The following RCOR1 variants were observed in gnomAD, a reference collection of about 807,000 sequenced individuals.
RCOR1 encodes REST corepressor 1.
RCOR1 carries 12 observed loss-of-function variants against 64.0 expected under a neutral mutation model. The observed-to-expected ratio is 0.19, with a 90% confidence interval of 0.12 to 0.30. RCOR1 has a LOEUF of 0.30. Among genes scored for constraint, RCOR1 ranks in the 10% least tolerant of loss-of-function variants. The probability of loss-of-function intolerance (pLI) is 1.00; values close to 1 mark genes in which losing one functional copy is unlikely to be tolerated. For missense variants in RCOR1, 502 were observed against 621.2 expected, an observed-to-expected ratio of 0.81 and a Z score of 2.04; for synonymous variants, 279 against 227.2, an observed-to-expected ratio of 1.23 and a Z score of -2.05.
chr14:102,688,820 T>C (rs996500552), intron 3 of RCOR1, among the ~76,000 whole-genome samples: 6 of 152,190 alleles, frequency 3.9e-5, no homozygotes, highest in Non-Finnish European at 8.8e-5. Context: ...CAGTCCCCAC[T>C]GTGATATTGT....
chr14:102,629,039 G>A lies in RCOR1; in HGVS notation c.361+35714G>A, dbSNP rs753873684. Among the ~76,000 whole-genome samples the A allele has an allele frequency of 2.6e-4, 39 of 152,152 alleles. No individual in the cohort carries two copies. The Middle Eastern group carries it at 0.017, about 66-fold the overall frequency. The stretch of plus-strand genomic sequence containing the variant: ...TCCCCAAGTAGCTGGGACTACAGGC[G>A]TGCGCCACCACATGCCTGGCTCATT... On this transcript the variant is annotated intron_variant, in intron 2 of 11. Transcript: ENST00000262241.
At chr14:102,717,747 T>G (rs183562459) in intron 8 of RCOR1, among the ~76,000 whole-genome samples, 12 of 152,222 alleles carry the variant, frequency 7.9e-5, no homozygotes, top group African/African-American at 2.6e-4. Context: ...GAGGTGTTAT[T>G]GACTCCATAG....
chr14:102,683,657 G>C (rs1895349767), intron 3 of RCOR1, among the ~76,000 whole-genome samples: 1 of 152,240 alleles, frequency 6.6e-6, no homozygotes, highest in Non-Finnish European at 1.5e-5. Flanking sequence ...TCCTCTGGGG[G>C]CGCGCTGATG....
rs150358933 is a variant in RCOR1 at position 102,702,920 on chromosome 14, A to G, written c.498+1590A>G. ...ACCTTAGTGGCAGATCTACTAGGCA[A>G]AGATTTTAAAACAACTATCTTAAAG... On this transcript the variant is annotated intron_variant, in intron 4 of 11. Coordinates refer to ENST00000262241, the MANE Select transcript of RCOR1 (RefSeq NM_015156.4). Among the ~76,000 whole-genome samples the G allele has an allele frequency of 3.4e-3, 520 of 152,358 alleles. 3 individuals carry two copies. The highest frequency in any genetic ancestry group is 8.1e-3 in the Admixed American group (124 of 15,296).
chr14:102,628,452 C>T (rs192377816), intron 2 of RCOR1, among the ~76,000 whole-genome samples: 75 of 152,134 alleles, frequency 4.9e-4, no homozygotes, highest in African/African-American at 1.6e-3. Context: ...CCCGCTCCCC[C>T]GCTTTTCTCT....
intron 2 of RCOR1, among the ~76,000 whole-genome samples, chr14:102,666,949 A>G (rs912171957): frequency 6.6e-6 from 1 of 152,106 alleles, no homozygotes; most frequent in Non-Finnish European, 1.5e-5. Flanking sequence ...TTTTTTGGAA[A>G]GAGGTCACTA....
At chr14:102,612,676 C>T (rs1208975749) in intron 2 of RCOR1, among the ~76,000 whole-genome samples, 1 of 151,820 alleles carries the variant, frequency 6.6e-6, no homozygotes, top group Non-Finnish European at 1.5e-5. Flanking sequence ...TCCATCTGAT[C>T]TCATTTGCTC....
intron 2 of RCOR1, among the ~76,000 whole-genome samples, chr14:102,668,955 A>G (rs1173901607): frequency 3.3e-5 from 5 of 152,168 alleles, no homozygotes; most frequent in Non-Finnish European, 7.3e-5. Flanking sequence ...TCATGGACCT[A>G]TTTGTTCCAA....
intron 2 of RCOR1, among the ~76,000 whole-genome samples, chr14:102,606,008 C>T (rs1217666760): frequency 2.0e-5 from 3 of 152,148 alleles, no homozygotes; most frequent in East Asian, 3.8e-4. Flanking sequence ...TCACTGCAAC[C>T]TCTGCTTCCC....
At chr14:102,664,067 T>A (rs1894872766) in intron 2 of RCOR1, among the ~76,000 whole-genome samples, 2 of 152,174 alleles carry the variant, frequency 1.3e-5, no homozygotes, top group Non-Finnish European at 1.5e-5. Flanking sequence ...GATTAGGCAT[T>A]AGCTGAACTC....
intron 3 of RCOR1, among the ~76,000 whole-genome samples, chr14:102,696,067 A>C (rs1895641849): frequency 6.6e-6 from 1 of 152,072 alleles, no homozygotes; most frequent in Middle Eastern, 3.2e-3. Flanking sequence ...TAGATGCCGA[A>C]CCTTTAGGAA....
intron 6 of RCOR1, among the ~76,000 whole-genome samples, chr14:102,710,387 T>G (rs572957416): frequency 1.3e-5 from 2 of 152,368 alleles, no homozygotes; most frequent in Non-Finnish European, 2.9e-5. Context: ...TATACCAATG[T>G]AAGTTTTCTT....
At chr14:102,649,979 C>T (rs942628830) in intron 2 of RCOR1, among the ~76,000 whole-genome samples, 8 of 151,836 alleles carry the variant, frequency 5.3e-5, no homozygotes, top group African/African-American at 1.9e-4. Flanking sequence ...ATGGGCGGAT[C>T]ACGAGGTCAG....
intron 4 of RCOR1, 121 bp from the exon 5 acceptor site, chr14:102,707,230 G>A (rs1200967716): frequency 4.1e-6 from 3 of 738,048 alleles, no homozygotes; most frequent in Non-Finnish European, 6.5e-6. Flanking sequence ...CTGCCACTTA[G>A]CGCTGTAGAT....
intron 2 of RCOR1, among the ~76,000 whole-genome samples, chr14:102,673,568 C>T (rs1380678953): frequency 6.6e-6 from 1 of 151,892 alleles, no homozygotes; most frequent in Admixed American, 6.6e-5. Context: ...ATCTCCTGAC[C>T]TTGTGATCCG....
In RCOR1 at chr14:102,726,517, G is replaced by A. The variant is rs765111166; in HGVS notation, c.*11G>A. The A allele has an allele frequency of 3.7e-6, 6 of 1,604,828 alleles. No individual in the cohort carries two copies. The highest frequency in any genetic ancestry group is 4.2e-6 in the Non-Finnish European group (5 of 1,177,376). Reference sequence around the variant, plus strand: ...GCATCTGCCTCCTGAGAAACTGGTGGCTTTGAACACTTGGTGTGGACTACT... The same window carrying A: ...GCATCTGCCTCCTGAGAAACTGGTGACTTTGAACACTTGGTGTGGACTACT... On this transcript the variant is annotated 3_prime_UTR_variant, in exon 12 of 12. Coordinates refer to ENST00000262241, the MANE Select transcript of RCOR1 (RefSeq NM_015156.4).
At chr14:102,726,063 C>T (rs1307094046) in intron 11 of RCOR1, among the ~76,000 whole-genome samples, 3 of 151,864 alleles carry the variant, frequency 2.0e-5, no homozygotes, top group Non-Finnish European at 4.4e-5. Context: ...GCGTGGGGGC[C>T]CACACATGTA....
chr14:102,610,219 A>G lies in RCOR1; in HGVS notation c.361+16894A>G, dbSNP rs537216824. 9.2e-5 allele frequency among the ~76,000 whole-genome samples: 14 copies of G among 152,158 alleles called. No homozygotes were observed. In the South Asian group the frequency reaches 2.9e-3, roughly 32 times the overall value. On this transcript the variant is annotated intron_variant, in intron 2 of 11. Coordinates refer to ENST00000262241, the MANE Select transcript of RCOR1 (RefSeq NM_015156.4). ...AATTTGAATATTAATATTATATGAT[A>G]TATAAGCTGTACATGTTATAAAAAT...
chr14:102,650,458 A>G (rs906223702), intron 2 of RCOR1, among the ~76,000 whole-genome samples: 15 of 152,296 alleles, frequency 9.8e-5, no homozygotes, highest in African/African-American at 3.1e-4. Flanking sequence ...AGATTAGTCT[A>G]TTCTGAAGTA....
Sources: gnomAD v4.1 joint callset for allele counts (sites outside exome capture counted in the v4.1 genomes callset) on GRCh38, gnomAD v4.1.1 for gene constraint, MANE v1.5 for transcripts, NCBI Gene and HGNC (gene_info 2026-07-23, HGNC 2026-07-21) for gene names.